The following CALHM2 variants were observed in gnomAD, a reference collection of about 807,000 sequenced individuals.
CALHM2 encodes the protein calcium homeostasis modulator protein 2.
CALHM2 carries 18 observed loss-of-function variants against 20.4 expected under a neutral mutation model. The observed-to-expected ratio is 0.88, with a 90% CI of 0.61 to 1.31. The LOEUF is 1.31. CALHM2 is among the 50% of genes most tolerant of loss of function. The pLI is 0.00. For missense variants in CALHM2, 411 were observed against 435.7 expected, an observed-to-expected ratio of 0.94 and a Z score of 0.50; for synonymous variants, 193 against 192.1, an observed-to-expected ratio of 1.00 and a Z score of -0.04.
At chr10:103,448,746 A>G (rs573344941) in intron 3 of CALHM2, among the ~76,000 whole-genome samples, 40 of 152,032 alleles carry the variant, frequency 2.6e-4, no homozygotes, top group Admixed American at 2.3e-3. Flanking sequence ...AAAAAAAGAA[A>G]ACTTGTTCTC....
At chr10:103,450,281 C>T (rs922925439) in intron 2 of CALHM2, 182 bp from the exon 3 acceptor site, 22 of 307,130 alleles carry the variant, frequency 7.2e-5, no homozygotes, top group Middle Eastern at 2.1e-3. Flanking sequence ...CACAGTCCCA[C>T]GTTGAGCTGT....
rs1169899201 is a variant in CALHM2 at position 103,449,983 on chromosome 10, G to A, written c.-42C>T. 1 of 1,562,936 alleles carries A rather than the reference G, an allele frequency of 6.4e-7. No individual in the cohort carries two copies. The highest frequency in any genetic ancestry group is 1.2e-5 in the South Asian group (1 of 85,512). Reference sequence around the variant, plus strand: ...GGGTGGATTGCAGGAGAGGAGGCAGGAGGAGACGGGATTGATGGTTGCTGG... The same window carrying A: ...GGGTGGATTGCAGGAGAGGAGGCAGAAGGAGACGGGATTGATGGTTGCTGG... On this transcript the variant is annotated 5_prime_UTR_variant, in exon 3 of 4. Coordinates refer to ENST00000260743, the MANE Select transcript of CALHM2 (RefSeq NM_015916.5).
chr10:103,446,999 C>G lies in CALHM2; in HGVS notation c.*153G>C. 2.6e-6 allele frequency: 2 copies of G among 760,670 alleles called. No homozygotes were observed. The highest frequency in any genetic ancestry group is 2.0e-5 in the South Asian group (1 of 49,136). 47.1% of individuals were successfully genotyped at this position (760,670 alleles called of 1,614,324 possible). ...CTGGGGCTTCCATTGTCTACTGGGT[C>G]TGTCCACACCCCAGATTGCCTTGTG... On this transcript the variant is annotated 3_prime_UTR_variant, in exon 4 of 4. Transcript: ENST00000260743.
intron 3 of CALHM2, among the ~76,000 whole-genome samples, chr10:103,449,119 G>T (rs1259489754): frequency 6.6e-6 from 1 of 152,188 alleles, no homozygotes; most frequent in Non-Finnish European, 1.5e-5. Flanking sequence ...TGAGCCAGAA[G>T]AATGTTCCTT....
chr10:103,452,328 G>A lies in CALHM2; in HGVS notation c.-534C>T, dbSNP rs1386089319. ...TTCAGACTAATCTAACTCCAGAAAA[G>A]AGAGAAGAAAACAGTGGGATGGAGT... On this transcript the variant is annotated 5_prime_UTR_variant, in exon 1 of 4. Coordinates refer to ENST00000260743, the MANE Select transcript of CALHM2 (RefSeq NM_015916.5). 2.0e-5 allele frequency: 3 copies of A among 152,410 alleles called. No individual in the cohort carries two copies. Among genetic ancestry groups the A allele is most frequent in the East Asian group, 3.8e-4 (2 of 5,206 alleles). 9.4% of individuals were successfully genotyped at this position (152,410 alleles called of 1,614,324 possible). A position where few individuals can be genotyped will look rare whatever the true frequency, so the allele number is the denominator to read the frequency against.
At chr10:103,447,631 G>A in intron 3 of CALHM2, 63 bp from the exon 4 acceptor site, 1 of 1,401,898 alleles carries the variant, frequency 7.1e-7, no homozygotes, top group Non-Finnish European at 9.5e-7. Context: ...ACCCCCCAGA[G>A]CGAATGGAAA....
In CALHM2 at chr10:103,452,196, GGGCCGGACTCTCCAAGT is replaced by G. The variant is rs1396680591; in HGVS notation, c.-419_-403del. 1 of 152,398 alleles carries G rather than the reference GGGCCGGACTCTCCAAGT, an allele frequency of 6.6e-6. No homozygotes were observed. Among genetic ancestry groups the G allele is most frequent in the African/African-American group, 2.4e-5 (1 of 41,478 alleles). The allele number at this position is 152,398 out of a possible 1,614,324, so 9.4% of individuals were successfully genotyped here. A position where few individuals can be genotyped will look rare whatever the true frequency, so the allele number is the denominator to read the frequency against. On this transcript the variant is annotated 5_prime_UTR_variant, in exon 1 of 4. Coordinates refer to ENST00000260743, the MANE Select transcript of CALHM2 (RefSeq NM_015916.5). Reference sequence around the variant, plus strand: ...GGCACTTGTGGCCATGGCCTCCTCGGGGCCGGACTCTCCAAGTGGCCTCCAGGAGGGCGGTGCAGGGC... The same window carrying G: ...GGCACTTGTGGCCATGGCCTCCTCGGGGCCTCCAGGAGGGCGGTGCAGGGC...
At chr10:103,449,295 A>G in intron 3 of CALHM2, 92 bp downstream of exon 3, 2 of 1,160,010 alleles carry the variant, frequency 1.7e-6, no homozygotes, top group Non-Finnish European at 2.6e-6. Context: ...TCAGCCCCTG[A>G]GGACCAACCC....
chr10:103,447,983 G>A (rs988533993), intron 3 of CALHM2, among the ~76,000 whole-genome samples: 1 of 152,048 alleles, frequency 6.6e-6, no homozygotes, highest in Non-Finnish European at 1.5e-5. Flanking sequence ...ATGCTTGGAG[G>A]GCAAGGACAG....
intron 3 of CALHM2, among the ~76,000 whole-genome samples, chr10:103,448,304 T>G (rs1465892703): frequency 6.6e-6 from 1 of 151,138 alleles, no homozygotes; most frequent in African/African-American, 2.4e-5. Flanking sequence ...CCACCACCAC[T>G]CCTGGCTAAT....
intron 3 of CALHM2, 93 bp from the exon 4 acceptor site, chr10:103,447,661 G>C: frequency 9.1e-7 from 1 of 1,101,220 alleles, no homozygotes; most frequent in Non-Finnish European, 1.3e-6. Flanking sequence ...TTCTGCTTGG[G>C]TAAGAGAAGC....
intron 3 of CALHM2, among the ~76,000 whole-genome samples, chr10:103,448,092 G>A (rs937800417): frequency 5.9e-5 from 9 of 151,924 alleles, no homozygotes; most frequent in Non-Finnish European, 4.4e-5. Flanking sequence ...CCATCTTCCC[G>A]CTCTGGTGCT....
In CALHM2 at chr10:103,449,182, A is replaced by G. The variant is rs1395740012; in HGVS notation, c.555+205T>C. On this transcript the variant is annotated intron_variant, in intron 3 of 3. Coordinates refer to ENST00000260743, the MANE Select transcript of CALHM2 (RefSeq NM_015916.5). Reference sequence around the variant, plus strand: ...ACAACTGAGATTTACAGTAAAAAAAAAAATTGATAAAACTGTCTTATTTGT... The same window carrying G: ...ACAACTGAGATTTACAGTAAAAAAAGAAATTGATAAAACTGTCTTATTTGT... 5.1e-6 allele frequency: 3 copies of G among 589,544 alleles called. No homozygotes were observed. In the African/African-American group the frequency reaches 5.6e-5, roughly 11 times the overall value. 36.5% of individuals were successfully genotyped at this position (589,544 alleles called of 1,614,324 possible).
At position 103,447,190 on chromosome 10, in the gene CALHM2, CCG is replaced by C; in HGVS notation, c.932_933del (p.Ala311GlyfsTer3). On this transcript the variant is annotated frameshift_variant, in exon 4 of 4. Coordinates refer to ENST00000260743, the MANE Select transcript of CALHM2 (RefSeq NM_015916.5). LOFTEE classifies it high-confidence loss of function. ...AGGGCCATCTCCACGTTGTCAGGGG[CCG>C]CGCCGTTGCCTGCCAGACCCTGGGC... is the stretch of plus-strand genomic sequence containing the variant. ...KWAQGLAGNG[A>X]APDNVEMALL... 1 of 1,613,314 alleles carries C rather than the reference CCG, an allele frequency of 6.2e-7. No homozygotes were observed. The highest frequency in any genetic ancestry group is 8.5e-7 in the Non-Finnish European group (1 of 1,179,486).
Position 103,447,275 on chromosome 10 carries a change from G to A in CALHM2, c.849C>T (p.Gly283=), listed in dbSNP as rs369551639. The change falls in exon 4 of 4, where the codon GGC becomes GGT. Residue 283 remains glycine (G), a synonymous_variant. Coordinates refer to ENST00000260743, the MANE Select transcript of CALHM2 (RefSeq NM_015916.5). ...QPRPQWNAIT[G]VYLYRENQGL... is the part of the protein sequence containing the mutation. Reference sequence around the variant, plus strand: ...CCTGGTTCTCACGGTACAAGTAGACGCCGGTGATGGCATTCCACTGTGGCC... The same window carrying A: ...CCTGGTTCTCACGGTACAAGTAGACACCGGTGATGGCATTCCACTGTGGCC... The A allele has an allele frequency of 1.6e-5, 26 of 1,614,120 alleles. No homozygotes were observed. The highest frequency in any genetic ancestry group is 1.9e-5 in the Non-Finnish European group (23 of 1,180,046).
In CALHM2 at chr10:103,447,397, C is replaced by T. The variant is rs370967532; in HGVS notation, c.727G>A (p.Ala243Thr). Residue 243 changes from alanine to threonine, a missense_variant, in exon 4 of 4, where the codon GCT becomes ACT. Transcript: ENST00000260743. Reference sequence around the variant, plus strand: ...AAGAAGCGGCGCACATTGTTGGCAGCGAGCACCCGAGAGTGCACCTCGGCC... The same window carrying T: ...AAGAAGCGGCGCACATTGTTGGCAGTGAGCACCCGAGAGTGCACCTCGGCC... Reference protein sequence around the residue: ...RTAEVHSRVLAANNVRRFFGF... With the variant: ...RTAEVHSRVLTANNVRRFFGF... The T allele has an allele frequency of 8.3e-5, 134 of 1,613,934 alleles. No individual in the cohort carries two copies. Among genetic ancestry groups the T allele is most frequent in the Admixed American group, 1.5e-4 (9 of 60,016 alleles).
intron 3 of CALHM2, 85 bp from the exon 4 acceptor site, chr10:103,447,653 C>G (rs1196244229): frequency 1.3e-5 from 16 of 1,210,030 alleles, no homozygotes; most frequent in Non-Finnish European, 1.5e-5. Context: ...GGAGCAAGTT[C>G]TGCTTGGGTA....
At position 103,450,118 on chromosome 10, in the gene CALHM2, A is replaced by G. The variant is rs538389800; in HGVS notation, c.-158-19T>C. On this transcript the variant is annotated intron_variant, in intron 2 of 3. Coordinates refer to ENST00000260743, the MANE Select transcript of CALHM2 (RefSeq NM_015916.5). ...GTGTTTCCTGTGGAGCAGATGACCG[A>G]TAAGTGTTTCCCTCTGAAAACCAGG... 5 of 614,096 alleles carry G rather than the reference A, an allele frequency of 8.1e-6. No homozygotes were observed. Among genetic ancestry groups the G allele is most frequent in the African/African-American group, 3.7e-5 (2 of 54,228 alleles). The allele number at this position is 614,096 out of a possible 1,614,324, so 38.0% of individuals were successfully genotyped here.
At position 103,447,452 on chromosome 10, in the gene CALHM2, G is replaced by A. The variant is rs748260945; in HGVS notation, c.672C>T (p.Arg224=). Residue 224 remains arginine (R), a synonymous_variant, in exon 4 of 4, where the codon CGC becomes CGT. Coordinates refer to ENST00000260743, the MANE Select transcript of CALHM2 (RefSeq NM_015916.5). The stretch of plus-strand genomic sequence containing the variant: ...GCTGGAACAGCTGGTCCTCATTGGC[G>A]CGGTACTGCGCCCAGTAGGCCTCCT... The part of the protein sequence containing the change: ...YRQEAYWAQY[R]ANEDQLFQRT... 1.1e-5 allele frequency: 18 copies of A among 1,614,156 alleles called. No individual in the cohort carries two copies. Among genetic ancestry groups the A allele is most frequent in the South Asian group, 2.2e-5 (2 of 91,084 alleles).
Sources: gnomAD v4.1 joint callset for allele counts (sites outside exome capture counted in the v4.1 genomes callset) on GRCh38, gnomAD v4.1.1 for gene constraint, MANE v1.5 for transcripts, NCBI Gene and HGNC (gene_info 2026-07-23, HGNC 2026-07-21) for gene names.